The following MTTP variants were observed in gnomAD, a reference collection of about 807,000 sequenced individuals.
The protein encoded by MTTP is microsomal triglyceride transfer protein, also known as microsomal triglyceride transfer protein large subunit.
MTTP carries 49 observed loss-of-function variants against 90.6 expected under a neutral mutation model. The ratio of observed to expected loss-of-function variants is 0.54; its 90% CI spans 0.43 to 0.69. The LOEUF (loss-of-function observed/expected upper bound fraction) is 0.69. Ranked by LOEUF, MTTP falls within the 30% of genes least tolerant of loss-of-function variation. The probability of loss-of-function intolerance (pLI) is 0.00; values close to 1 mark genes in which losing one functional copy is unlikely to be tolerated. For missense variants in MTTP, 945 were observed against 1,067.5 expected (o/e 0.89, Z 1.60); for synonymous variants, 347 against 384.2 (o/e 0.90, Z 1.13).
At position 99,594,719 on chromosome 4, in the gene MTTP, T is replaced by C; in HGVS notation, c.759-14T>C. The C allele has an allele frequency of 6.2e-7, 1 of 1,613,568 alleles. No individual in the cohort carries two copies. The highest frequency in any genetic ancestry group is 8.5e-7 in the Non-Finnish European group (1 of 1,179,586). ...AATGATTATAATATAGCATTTCCCT[T>C]TGGTATTATGCAGGCAGAAATTAGA... On this transcript the variant is annotated splice_polypyrimidine_tract_variant and intron_variant, in intron 6 of 17. Coordinates refer to ENST00000265517, the MANE Select transcript of MTTP (RefSeq NM_001386140.1).
intron 1 of MTTP, among the ~76,000 whole-genome samples, chr4:99,568,048 A>T (rs1360947750): frequency 2.0e-5 from 3 of 152,132 alleles, no homozygotes; most frequent in African/African-American, 7.2e-5. Flanking sequence ...AAAATATTAG[A>T]GAACCACATA....
At position 99,619,160 on chromosome 4, in the gene MTTP, G is replaced by A. The variant is rs774278482; in HGVS notation, c.2342+62G>A. On this transcript the variant is annotated intron_variant, in intron 16 of 17. Coordinates refer to ENST00000265517, the MANE Select transcript of MTTP (RefSeq NM_001386140.1). ...ATAAGACTATATACAGAGAACTTCC[G>A]AAATATGTTTTGGGAATTAATCTTC... 7.0e-5 allele frequency: 102 copies of A among 1,453,460 alleles called. 1 individual carries two copies. The highest frequency in any genetic ancestry group is 1.0e-4 in the Admixed American group (6 of 59,154). The allele number at this position is 1,453,460 out of a possible 1,614,324, so 90.0% of individuals were successfully genotyped here.
chr4:99,588,590 C>T (rs1277074731), intron 3 of MTTP, among the ~76,000 whole-genome samples: 1 of 151,674 alleles, frequency 6.6e-6, no homozygotes, highest in Non-Finnish European at 1.5e-5. Context: ...CTCATTTCAA[C>T]CTCCTTTCTC....
intron 15 of MTTP, among the ~76,000 whole-genome samples, chr4:99,617,867 C>T (rs974032850): frequency 2.0e-5 from 3 of 152,134 alleles, no homozygotes; most frequent in Non-Finnish European, 2.9e-5. Context: ...TTGAACTTGA[C>T]TATTAACTCA....
chr4:99,574,750 G>T, upstream of MTTP: 1 of 1,522,348 alleles, frequency 6.6e-7, no homozygotes, highest in Non-Finnish European at 8.9e-7. Context: ...GTGAACTTAG[G>T]TCCTGATTTT....
intron 10 of MTTP, among the ~76,000 whole-genome samples, chr4:99,603,721 A>G (rs1725750317): frequency 6.6e-6 from 1 of 152,056 alleles, no homozygotes; most frequent in African/African-American, 2.4e-5. Flanking sequence ...TAAGTTCAAA[A>G]TCCTTTGGGT....
intron 6 of MTTP, 44 bp downstream of exon 6, chr4:99,591,834 T>C (rs1353397830): frequency 8.1e-6 from 12 of 1,483,040 alleles, no homozygotes; most frequent in Non-Finnish European, 1.0e-5. Flanking sequence ...TATTCTTTGT[T>C]ATATTATTAT....
At chr4:99,610,841 G>A (rs1043709682) in intron 12 of MTTP, among the ~76,000 whole-genome samples, 6 of 152,132 alleles carry the variant, frequency 3.9e-5, no homozygotes, top group Admixed American at 2.6e-4. Flanking sequence ...AAACCATGAC[G>A]AATCAAAGAA....
chr4:99,610,206 G>A (rs1560624199), intron 12 of MTTP, among the ~76,000 whole-genome samples: 1 of 152,172 alleles, frequency 6.6e-6, no homozygotes, highest in Non-Finnish European at 1.5e-5. Flanking sequence ...ACTTGTGCCA[G>A]TGTTGTTCAG....
At chr4:99,580,450 C>G (rs1436048492) in intron 1 of MTTP, among the ~76,000 whole-genome samples, 2 of 151,220 alleles carry the variant, frequency 1.3e-5, no homozygotes, top group African/African-American at 2.4e-5. Context: ...TGGCACACAC[C>G]TGTATTACTA....
intron 8 of MTTP, 138 bp downstream of exon 8, chr4:99,597,362 G>A (rs767953557): frequency 1.6e-5 from 15 of 962,726 alleles, no homozygotes; most frequent in Non-Finnish European, 2.2e-5. Context: ...CATTTTCATC[G>A]AAAAGTTATG....
At position 99,623,043 on chromosome 4, in the gene MTTP, T is replaced by A; in HGVS notation, c.*195T>A. On this transcript the variant is annotated 3_prime_UTR_variant, in exon 18 of 18. Transcript: ENST00000265517. ...ATGCTACCCACAGCGTCATTTTGAA[T>A]CATCATGTGACGCTTTCAACAACGT... The A allele has an allele frequency of 1.6e-6, 1 of 627,058 alleles. No homozygotes were observed. The highest frequency in any genetic ancestry group is 2.8e-6 in the Non-Finnish European group (1 of 352,420). 38.8% of individuals were successfully genotyped at this position (627,058 alleles called of 1,614,324 possible). A position where few individuals can be genotyped will look rare whatever the true frequency, so the allele number is the denominator to read the frequency against.
intron 17 of MTTP, 143 bp downstream of exon 17, chr4:99,621,374 G>T: frequency 1.8e-6 from 2 of 1,106,314 alleles, no homozygotes; most frequent in Non-Finnish European, 2.6e-6. Flanking sequence ...ATGAGTAGAA[G>T]AATAATTGAT....
At chr4:99,614,101 G>A (rs891637190) in intron 15 of MTTP, among the ~76,000 whole-genome samples, 1 of 152,152 alleles carries the variant, frequency 6.6e-6, no homozygotes, top group Non-Finnish European at 1.5e-5. Flanking sequence ...CAGATGATTG[G>A]ATTGACTTGT....
intron 14 of MTTP, among the ~76,000 whole-genome samples, 174 bp from the exon 15 acceptor site, chr4:99,612,739 C>T (rs1401542421): frequency 6.6e-6 from 1 of 152,108 alleles, no homozygotes; most frequent in Non-Finnish European, 1.5e-5. Flanking sequence ...AAAACTAACC[C>T]ACCTTATATT....
At chr4:99,620,774 A>G in intron 16 of MTTP, 2 of 395,392 alleles carry the variant, frequency 5.1e-6, no homozygotes, top group Non-Finnish European at 9.2e-6. Context: ...GGTCTTTGTT[A>G]TGCCCATACA....
upstream of MTTP, among the ~76,000 whole-genome samples, chr4:99,572,460 A>G (rs1276000309): frequency 1.3e-5 from 2 of 151,958 alleles, no homozygotes; most frequent in Non-Finnish European, 2.9e-5. Flanking sequence ...TTTTTAAGCA[A>G]AGAAGAATAC....
chr4:99,617,931 C>T (rs1235691580), intron 15 of MTTP, among the ~76,000 whole-genome samples: 2 of 152,128 alleles, frequency 1.3e-5, no homozygotes, highest in African/African-American at 2.4e-5. Flanking sequence ...AATTTGCCTT[C>T]GTTTTCTAGT....
chr4:99,577,284 G>A (rs1399492328), intron 1 of MTTP, among the ~76,000 whole-genome samples: 1 of 152,084 alleles, frequency 6.6e-6, no homozygotes, highest in African/African-American at 2.4e-5. Flanking sequence ...TCAGATCTGG[G>A]TGGATGTTGA....
Sources: allele counts gnomAD v4.1 joint callset (sites outside exome capture counted in the v4.1 genomes callset), GRCh38; gene constraint gnomAD v4.1.1; transcripts MANE v1.5; gene names NCBI Gene and HGNC (gene_info 2026-07-23, HGNC 2026-07-21).